KDM2B: variants seen among roughly 807,000 people sequenced by gnomAD.
The protein encoded by KDM2B is lysine demethylase 2B, also known as lysine-specific demethylase 2B.
KDM2B carries 26 observed loss-of-function variants against 150.0 expected under a neutral mutation model. That is an observed-to-expected ratio of 0.17 (90% confidence interval 0.13 to 0.24). The LOEUF (loss-of-function observed/expected upper bound fraction) is 0.24. Among genes scored for constraint, KDM2B ranks in the 10% least tolerant of loss-of-function variants. The probability of loss-of-function intolerance (pLI) is 1.00; values close to 1 mark genes in which losing one functional copy is unlikely to be tolerated. For synonymous variants in KDM2B, 734 were observed against 729.5 expected, an observed-to-expected ratio of 1.01 and a Z score of -0.10; for missense variants, 1,265 against 1,816.9, an observed-to-expected ratio of 0.70 and a Z score of 5.52.
chr12:121,549,494 G>C lies in KDM2B; in HGVS notation c.542C>G (p.Thr181Ser). The C allele has an allele frequency of 6.2e-7, 1 of 1,609,866 alleles. No homozygotes were observed. The highest frequency in any genetic ancestry group is 2.2e-5 in the East Asian group (1 of 44,712). Residue 181 changes from threonine to serine, a missense_variant, in exon 5 of 23, where the codon ACC becomes AGC. Physicochemically the swap from Thr to Ser is moderately conservative, Grantham distance 58. Transcript: ENST00000377071. This position sits in a 1 kb window ranked among gnomAD's most constrained non-coding sequence, Gnocchi z 4.4. Reference protein sequence around the residue: ...YNVISLEFSHTKLEHLVKRPT... With the variant: ...YNVISLEFSHSKLEHLVKRPT... The stretch of plus-strand genomic sequence containing the variant: ...ACGCTTGACCAAGTGCTCCAGCTTG[G>C]TGTGGCTGAACTCTAGGCTGATGAC...
intron 4 of KDM2B, among the ~76,000 whole-genome samples, chr12:121,571,414 G>A (rs1017635977): frequency 3.3e-5 from 5 of 151,688 alleles, no homozygotes; most frequent in East Asian, 1.9e-4. Flanking sequence ...TCAGCCTCCC[G>A]AGTAGCTGGG....
At chr12:121,490,695 C>G (rs1433620171) in intron 12 of KDM2B, among the ~76,000 whole-genome samples, 2 of 152,174 alleles carry the variant, frequency 1.3e-5, no homozygotes, top group African/African-American at 4.8e-5. Context: ...CAGATCAAAA[C>G]AAATCCTACA....
At chr12:121,488,390 A>C (rs536193313) in intron 12 of KDM2B, among the ~76,000 whole-genome samples, 4 of 152,262 alleles carry the variant, frequency 2.6e-5, no homozygotes, top group Non-Finnish European at 5.9e-5. Context: ...ACACTGATTG[A>C]TGGCCCACTC....
intron 12 of KDM2B, among the ~76,000 whole-genome samples, chr12:121,459,503 G>C (rs1478747882): frequency 6.8e-6 from 1 of 147,564 alleles, no homozygotes; most frequent in African/African-American, 2.4e-5. Context: ...AAAAGCACAG[G>C]TGTCAAAAAA....
intron 11 of KDM2B, among the ~76,000 whole-genome samples, chr12:121,497,772 G>A (rs782515329): frequency 5.3e-5 from 8 of 151,982 alleles, no homozygotes; most frequent in Non-Finnish European, 8.8e-5. Context: ...TGTACCTTGG[G>A]TGGGATCCTA....
chr12:121,573,228 G>A (rs1891247439), intron 4 of KDM2B, among the ~76,000 whole-genome samples: 1 of 151,574 alleles, frequency 6.6e-6, no homozygotes, highest in African/African-American at 2.4e-5. Flanking sequence ...CAAAGTGCTA[G>A]GATTACAGGC....
the KDM2B span, among the ~76,000 whole-genome samples, chr12:121,410,494 G>A: frequency 1.5e-3 from 227 of 150,502 alleles, 2 homozygotes; most frequent in South Asian, 4.2e-3. Context: ...CCGAGATTGC[G>A]CCACTGCATT....
intron 8 of KDM2B, among the ~76,000 whole-genome samples, chr12:121,530,611 A>C (rs1013486422): frequency 1.3e-5 from 2 of 151,856 alleles, no homozygotes; most frequent in African/African-American, 2.4e-5. Flanking sequence ...AGGGGAAAAA[A>C]TCCTGGTATC....
chr12:121,542,512 T>C (rs1219818123), intron 6 of KDM2B, among the ~76,000 whole-genome samples: 2 of 152,262 alleles, frequency 1.3e-5, no homozygotes, highest in Non-Finnish European at 2.9e-5. Context: ...CCCAGATTCC[T>C]GAATCACAGA....
At chr12:121,571,758 C>T (rs1555315990) in intron 4 of KDM2B, among the ~76,000 whole-genome samples, 1 of 151,264 alleles carries the variant, frequency 6.6e-6, no homozygotes, top group East Asian at 1.9e-4. Flanking sequence ...TCAAGAGATT[C>T]TCCTGCCTCA....
rs1419424320 is a variant in KDM2B at position 121,508,735 on chromosome 12, C to T, written c.1647+832G>A. Among the ~76,000 whole-genome samples the T allele has an allele frequency of 3.9e-5, 6 of 152,220 alleles. No individual in the cohort carries two copies. In the East Asian group the frequency reaches 9.6e-4, roughly 24 times the overall value. On this transcript the variant is annotated intron_variant, in intron 11 of 22. Transcript: ENST00000377071. ...TGTGACCTCAGGCATGCCCCGTACC[C>T]TCTCTGAGCCTACTTCCTCATCCAT...
chr12:121,419,281 C>T, the KDM2B span, among the ~76,000 whole-genome samples: 1 of 152,214 alleles, frequency 6.6e-6, no homozygotes, highest in Non-Finnish European at 1.5e-5. Context: ...GCCCTATAGC[C>T]TAGGTGTGTA....
chr12:121,536,320 G>C (rs1263731692), intron 6 of KDM2B: 3 of 152,966 alleles, frequency 2.0e-5, no homozygotes, highest in African/African-American at 7.2e-5. Flanking sequence ...AAATCAGAAG[G>C]CCTTCCAGTA....
chr12:121,450,602 GTAATCCC>G, intron 13 of KDM2B, among the ~76,000 whole-genome samples: 1 of 152,196 alleles, frequency 6.6e-6, no homozygotes, highest in Non-Finnish European at 1.5e-5. Flanking sequence ...GCTCACGCCT[GTAATCCC>G]AGCACTTTGG....
In KDM2B at chr12:121,457,933, C is replaced by T. The variant is rs2139035662; in HGVS notation, c.1735-4589G>A. On this transcript the variant is annotated intron_variant, in intron 12 of 22. Transcript: ENST00000377071. The stretch of plus-strand genomic sequence containing the variant: ...CCAGAAAATGCATGGACAGAACCTC[C>T]TCAATCCCTCAGCTCTAAATTATAG... Among the ~76,000 whole-genome samples the T allele has an allele frequency of 2.6e-5, 4 of 152,314 alleles. No homozygotes were observed. In the Middle Eastern group the frequency reaches 0.014, roughly 518 times the overall value.
intron 11 of KDM2B, among the ~76,000 whole-genome samples, chr12:121,500,763 G>A (rs575836599): frequency 8.5e-5 from 13 of 152,194 alleles, no homozygotes; most frequent in Non-Finnish European, 1.8e-4. Flanking sequence ...CAGCCCCACC[G>A]TCTGTGAAAA....
chr12:121,581,569 G>T (rs1442771325), upstream of KDM2B, among the ~76,000 whole-genome samples: 1 of 152,194 alleles, frequency 6.6e-6, no homozygotes, highest in African/African-American at 2.4e-5. Context: ...GCCCTGCTAG[G>T]CCTGATCTTG....
At chr12:121,476,439 G>A (rs11065588) in intron 12 of KDM2B, among the ~76,000 whole-genome samples, 2,710 of 151,646 alleles carry the variant, frequency 0.018, 56 homozygotes, top group East Asian at 0.13. Flanking sequence ...CTGGGTGACC[G>A]AACAAGACAA....
In KDM2B at chr12:121,520,937, A is replaced by G. The variant is rs1555305791; in HGVS notation, c.1047+48T>C. On this transcript the variant is annotated intron_variant, in intron 9 of 22. Coordinates refer to ENST00000377071, the MANE Select transcript of KDM2B (RefSeq NM_032590.5). The surrounding 1 kb of genome is among the most constrained non-coding windows in gnomAD (Gnocchi z 4.5). ...TGTCCCACACACCGAGCACCGGCAG[A>G]GCTCAGGGGCCAGGCGCGCACGCGA... is the stretch of plus-strand genomic sequence containing the variant. 2 of 1,428,202 alleles carry G rather than the reference A, an allele frequency of 1.4e-6. No individual in the cohort carries two copies. The highest frequency in any genetic ancestry group is 3.4e-5 in the Admixed American group (2 of 59,400). The allele number at this position is 1,428,202 out of a possible 1,614,324, so 88.5% of individuals were successfully genotyped here.
Sources: gnomAD v4.1 joint callset for allele counts (sites outside exome capture counted in the v4.1 genomes callset) on GRCh38, gnomAD v4.1.1 for gene constraint, Gnocchi (gnomAD v3.1) non-coding constraint, MANE v1.5 for transcripts, NCBI Gene and HGNC (gene_info 2026-07-23, HGNC 2026-07-21) for gene names.